Variants in HOXA10 observed in about 807,000 individuals in gnomAD.
The protein encoded by HOXA10 is homeobox A10.
Under a neutral mutation model 29.7 loss-of-function variants are expected in HOXA10, and 12 were observed. The observed-to-expected ratio is 0.40, with a 90% CI of 0.26 to 0.65. The LOEUF (loss-of-function observed/expected upper bound fraction) is 0.65. Ranked by LOEUF, HOXA10 falls within the 30% of genes least tolerant of loss-of-function variation. The pLI is 0.37. For synonymous variants in HOXA10, 327 were observed against 280.7 expected, an observed-to-expected ratio of 1.16 and a Z score of -1.65; for missense variants, 656 against 585.9, an observed-to-expected ratio of 1.12 and a Z score of -1.24.
chr7:27,174,358 G>A (rs1783607273), upstream of HOXA10: 2 of 1,587,768 alleles, frequency 1.3e-6, no homozygotes, highest in East Asian at 2.2e-5. Flanking sequence ...GCACCGCGGC[G>A]GGCGCCCGCA....
chr7:27,175,596 C>T (rs1783640163), upstream of HOXA10, among the ~76,000 whole-genome samples: 1 of 152,226 alleles, frequency 6.6e-6, no homozygotes, highest in Admixed American at 6.5e-5. Flanking sequence ...CTGGAAATGG[C>T]CGGCCTGGGG....
At chr7:27,178,497 T>G (rs1392104792), upstream of HOXA10, among the ~76,000 whole-genome samples, 1 of 152,232 alleles carries the variant, frequency 6.6e-6, no homozygotes, top group African/African-American at 2.4e-5. Context: ...ACACACCCTT[T>G]GAATTGCAAT....
Position 27,174,118 on chromosome 7 carries a change from G to C in HOXA10, c.189C>G (p.Val63=), listed in dbSNP as rs750857163. The stretch of plus-strand genomic sequence containing the variant: ...GCAGGTCGGCGGCGGGCGGCAGGTA[G>C]ACCCCGCCGTGGGCGTAGTAACCGC... ...GGGGYYAHGG[V]YLPPAADLPY... The change falls in exon 1 of 2, where the codon GTC becomes GTG. Residue 63 remains valine, a synonymous_variant. Transcript: ENST00000283921. The C allele has an allele frequency of 2.5e-6, 4 of 1,585,386 alleles. No individual in the cohort carries two copies. The African/African-American group carries it at 5.4e-5, about 21-fold the overall frequency.
intron 1 of HOXA10, among the ~76,000 whole-genome samples, chr7:27,179,437 G>A (rs1783712906): frequency 6.6e-6 from 1 of 151,678 alleles, no homozygotes; most frequent in Non-Finnish European, 1.5e-5. Context: ...GATTCGCCTT[G>A]AGTGAAATGC....
At chr7:27,176,833 C>G (rs1384641627), upstream of HOXA10, among the ~76,000 whole-genome samples, 1 of 152,224 alleles carries the variant, frequency 6.6e-6, no homozygotes. Flanking sequence ...GAGTCAGGAC[C>G]CTTCTGGAAA....
chr7:27,171,614 C>T lies in HOXA10; in HGVS notation c.*285G>A. 1.8e-6 allele frequency: 1 copy of T among 559,130 alleles called. No individual in the cohort carries two copies. Among genetic ancestry groups the T allele is most frequent in the African/African-American group, 1.8e-5 (1 of 54,066 alleles). 34.6% of individuals were successfully genotyped at this position (559,130 alleles called of 1,614,324 possible). On this transcript the variant is annotated 3_prime_UTR_variant, in exon 2 of 2. Transcript: ENST00000283921. ...TGGGACCCCAAGACAGCAAACCCAG[C>T]CCAGTCAGGACTTGACACTTAGGAC...
At position 27,173,528 on chromosome 7, in the gene HOXA10, G is replaced by C. The variant is rs1230947940; in HGVS notation, c.779C>G (p.Ser260Trp). 12 of 1,455,694 alleles carry C rather than the reference G, an allele frequency of 8.2e-6. No individual in the cohort carries two copies. Among genetic ancestry groups the C allele is most frequent in the Non-Finnish European group, 1.1e-5 (12 of 1,112,966 alleles). The allele number at this position is 1,455,694 out of a possible 1,614,324, so 90.2% of individuals were successfully genotyped here. A position where few individuals can be genotyped will look rare whatever the true frequency, so the allele number is the denominator to read the frequency against. The change falls in exon 1 of 2, where the codon TCG becomes TGG. Residue 260 changes from serine (S) to tryptophan (W), a missense_variant. Coordinates refer to ENST00000283921, the MANE Select transcript of HOXA10 (RefSeq NM_018951.4). Reference protein sequence around the residue: ...FDLPPALASGSADAARKERAL... With the variant: ...FDLPPALASGWADAARKERAL... ...TCGCTCCTTCCGGGCCGCATCGGCC[G>C]AGCCGGAGGCTAGCGCGGGCGGGAG...
At chr7:27,172,523 C>G in intron 1 of HOXA10, 3 of 350,748 alleles carry the variant, frequency 8.6e-6, no homozygotes. Context: ...GGCAGACAAG[C>G]ATTTCCTGTA....
Position 27,171,485 on chromosome 7 carries a change from C to A in HOXA10, c.*414G>T. The A allele has an allele frequency of 2.2e-6, 1 of 459,844 alleles. No individual in the cohort carries two copies. The highest frequency in any genetic ancestry group is 4.3e-6 in the Non-Finnish European group (1 of 230,578). The allele number at this position is 459,844 out of a possible 1,614,324, so 28.5% of individuals were successfully genotyped here. ...GCTCCTTTGCACCATTGACCTCAGG[C>A]CAGACACCTCAGCGCCAACAATGGG... is the stretch of plus-strand genomic sequence containing the variant. On this transcript the variant is annotated 3_prime_UTR_variant, in exon 2 of 2. Transcript: ENST00000283921.
At position 27,170,909 on chromosome 7, in the gene HOXA10, C is replaced by G. The variant is rs1216017710; in HGVS notation, c.*990G>C. On this transcript the variant is annotated 3_prime_UTR_variant, in exon 2 of 2. Transcript: ENST00000283921. The stretch of plus-strand genomic sequence containing the variant: ...CAATGTCTCCCTTCTCTAGTTTATT[C>G]CGCTTACCCCAGTCCTCCTAGGCTT... The G allele has an allele frequency of 1.1e-5, 5 of 454,286 alleles. No individual in the cohort carries two copies. Among genetic ancestry groups the G allele is most frequent in the Non-Finnish European group, 2.2e-5 (5 of 226,780 alleles). The allele number at this position is 454,286 out of a possible 1,614,324, so 28.1% of individuals were successfully genotyped here.
At chr7:27,172,636 A>G (rs1783529350) in intron 1 of HOXA10, 1 of 204,230 alleles carries the variant, frequency 4.9e-6, no homozygotes, top group African/African-American at 2.4e-5. Context: ...TAAGGGGAGA[A>G]AGAAGGGCAT....
chr7:27,172,991 C>T (rs1010591182), intron 1 of HOXA10: 1 of 323,846 alleles, frequency 3.1e-6, no homozygotes, highest in Non-Finnish European at 5.7e-6. Flanking sequence ...ACTTTCCCTC[C>T]CTCCCCCTCC....
At chr7:27,177,082 G>A (rs548429526), upstream of HOXA10, among the ~76,000 whole-genome samples, 145 of 152,318 alleles carry the variant, frequency 9.5e-4, 1 homozygote, top group Admixed American at 1.8e-3. Context: ...TTCTAGGCTG[G>A]ATAGAATCCA....
rs1048039544 is a variant in HOXA10, at chr7:27,173,527, C to G, written c.780G>C (p.Ser260=). The G allele has an allele frequency of 1.0e-5, 15 of 1,457,834 alleles. No homozygotes were observed. Among genetic ancestry groups the G allele is most frequent in the Admixed American group, 5.5e-5 (2 of 36,400 alleles). The allele number at this position is 1,457,834 out of a possible 1,614,324, so 90.3% of individuals were successfully genotyped here. Residue 260 remains serine (S), a synonymous_variant, in exon 1 of 2, where the codon TCG becomes TCC. Coordinates refer to ENST00000283921, the MANE Select transcript of HOXA10 (RefSeq NM_018951.4). ...CTCGCTCCTTCCGGGCCGCATCGGCCGAGCCGGAGGCTAGCGCGGGCGGGA... is the reference window on the plus strand; with the variant it reads ...CTCGCTCCTTCCGGGCCGCATCGGCGGAGCCGGAGGCTAGCGCGGGCGGGA... ...FDLPPALASG[S]ADAARKERAL...
rs763432884 is a variant in HOXA10, at chr7:27,173,429, T to G, written c.878A>C (p.His293Pro). 5.0e-6 allele frequency: 8 copies of G among 1,601,196 alleles called. No homozygotes were observed. Among genetic ancestry groups the G allele is most frequent in the Non-Finnish European group, 5.1e-6 (6 of 1,176,320 alleles). The change falls in exon 1 of 2, where the codon CAC becomes CCC. Residue 293 changes from histidine to proline, a missense_variant. Coordinates refer to ENST00000283921, the MANE Select transcript of HOXA10 (RefSeq NM_018951.4). The stretch of plus-strand genomic sequence containing the variant: ...CTCCTCCGCGGCCGAGGACGACGCG[T>G]GCGCCTCCTCGTCGCCCTGCGAGCC... ...GGGSQGDEEA[H>P]ASSSAAEELS...
At chr7:27,177,214 C>T (rs17449226), upstream of HOXA10, among the ~76,000 whole-genome samples, 698 of 152,356 alleles carry the variant, frequency 4.6e-3, 31 homozygotes, top group East Asian at 0.091. Context: ...CAAGCCGTGG[C>T]GTTGGCACTT....
chr7:27,173,946 C>A lies in HOXA10; in HGVS notation c.361G>T (p.Ala121Ser). 1 of 1,526,054 alleles carries A rather than the reference C, an allele frequency of 6.6e-7. No homozygotes were observed. Among genetic ancestry groups the A allele is most frequent in the Non-Finnish European group, 8.8e-7 (1 of 1,139,350 alleles). The allele number at this position is 1,526,054 out of a possible 1,614,324, so 94.5% of individuals were successfully genotyped here. Reference protein sequence around the residue: ...GPSPIDLWLDAPRSCRMEPPD... With the variant: ...GPSPIDLWLDSPRSCRMEPPD... ...GGCTCCATCCGGCAAGACCGGGGCGCGTCTAGCCACAGGTCTATGGGCGAG... is the reference window on the plus strand; with the variant it reads ...GGCTCCATCCGGCAAGACCGGGGCGAGTCTAGCCACAGGTCTATGGGCGAG... Residue 121 changes from alanine (A) to serine (S), a missense_variant, in exon 1 of 2, where the codon GCG becomes TCG. Physicochemically the swap from Ala to Ser is moderately conservative, Grantham distance 99 (BLOSUM62 1). Around this residue, in one of 2 missense-constraint regions of HOXA10, gnomAD observed 594 missense variants for 491.9 expected, o/e 1.21. Transcript: ENST00000283921.
upstream of HOXA10, among the ~76,000 whole-genome samples, chr7:27,177,322 C>A (rs6969609): frequency 4.6e-5 from 7 of 152,152 alleles, no homozygotes; most frequent in African/African-American, 1.4e-4. Flanking sequence ...GGCTTGAGCT[C>A]CTTCTGGCTT....
chr7:27,174,929 A>G (rs1449892869), upstream of HOXA10: 1 of 153,258 alleles, frequency 6.5e-6, no homozygotes, highest in Non-Finnish European at 1.5e-5. Context: ...TCCAGTATCC[A>G]CAGATTTTTC....
Sources: allele counts gnomAD v4.1 joint callset (sites outside exome capture counted in the v4.1 genomes callset), GRCh38; gene constraint gnomAD v4.1.1; regional missense constraint gnomAD v4.1.1; transcripts MANE v1.5; gene names NCBI Gene and HGNC (gene_info 2026-07-23, HGNC 2026-07-21).